DTHD1: variants seen among roughly 807,000 people sequenced by gnomAD.
The protein encoded by DTHD1 is death domain containing 1, also known as death domain-containing protein 1.
Under a neutral mutation model 74.8 loss-of-function variants are expected in DTHD1, and 59 were observed. The ratio of observed to expected loss-of-function variants is 0.79; its 90% CI spans 0.64 to 0.98. DTHD1 has a LOEUF of 0.98. Among genes scored for constraint, DTHD1 ranks in the 50% least tolerant of loss-of-function variants. The pLI is 0.00. For missense variants in DTHD1, 1,051 were observed against 1,065.4 expected, an observed-to-expected ratio of 0.99 and a Z score of 0.19; for synonymous variants, 365 against 371.1, an observed-to-expected ratio of 0.98 and a Z score of 0.19.
At chr4:36,287,741 T>C (rs1369721816) in intron 2 of DTHD1, among the ~76,000 whole-genome samples, 1 of 152,222 alleles carries the variant, frequency 6.6e-6, no homozygotes, top group Non-Finnish European at 1.5e-5. Flanking sequence ...ATTAGTGATG[T>C]TGAGCATTTT....
chr4:36,315,014 C>G (rs1396288955), intron 7 of DTHD1, among the ~76,000 whole-genome samples: 1 of 152,172 alleles, frequency 6.6e-6, no homozygotes, highest in East Asian at 1.9e-4. Flanking sequence ...CAAGTATTAA[C>G]AGATAAATAT....
rs996179163 is a variant in DTHD1 at position 36,346,243 on chromosome 4, G to GCA, written c.*2431_*2432dup. Among the ~76,000 whole-genome samples the GCA allele has an allele frequency of 2.0e-5, 3 of 150,754 alleles. No homozygotes were observed. The highest frequency in any genetic ancestry group is 4.4e-5 in the Non-Finnish European group (3 of 67,562). On this transcript the variant is annotated 3_prime_UTR_variant, in exon 10 of 10. Transcript: ENST00000639862. ...TAATATGCCTCCCCCACAGACACAT[G>GCA]CACACACACACACGACATCTCACTT...
chr4:36,308,240 T>C lies in DTHD1; in HGVS notation c.1842T>C (p.Asn614=). The change falls in exon 7 of 10, where the codon AAT becomes AAC. Residue 614 remains asparagine (N), a synonymous_variant. Transcript: ENST00000639862. ...TTCACCTCTCTTCCACCATGGACAA[T>C]AGTCATTTGGTTACTTTTGTGAAAT... is the stretch of plus-strand genomic sequence containing the variant. ...IVLHLSSTMD[N]SHLVTFVKSL... The C allele has an allele frequency of 6.4e-7, 1 of 1,552,360 alleles. No individual in the cohort carries two copies. The highest frequency in any genetic ancestry group is 2.4e-5 in the East Asian group (1 of 40,926).
At chr4:36,328,925 A>C (rs942326276) in intron 8 of DTHD1, among the ~76,000 whole-genome samples, 2 of 152,168 alleles carry the variant, frequency 1.3e-5, no homozygotes, top group African/African-American at 2.4e-5. Flanking sequence ...TGAATTACTG[A>C]TGTAGGCCCT....
At chr4:36,305,115 A>T (rs1404992140) in intron 5 of DTHD1, among the ~76,000 whole-genome samples, 1 of 152,204 alleles carries the variant, frequency 6.6e-6, no homozygotes, top group Non-Finnish European at 1.5e-5. Context: ...AAGAAAGCAA[A>T]TTGGCTGTGT....
Position 36,308,502 on chromosome 4 carries a change from A to G in DTHD1, c.2095+9A>G. On this transcript the variant is annotated intron_variant, in intron 7 of 9. Coordinates refer to ENST00000639862, the MANE Select transcript of DTHD1 (RefSeq NM_001170700.3). ...AAACATATTTGCTTCAAGTAAGTATAAAGAAATCTTTTTATATATTTTATT... is the reference window on the plus strand; with the variant it reads ...AAACATATTTGCTTCAAGTAAGTATGAAGAAATCTTTTTATATATTTTATT... The G allele has an allele frequency of 8.5e-6, 13 of 1,536,276 alleles. No homozygotes were observed. Among genetic ancestry groups the G allele is most frequent in the Non-Finnish European group, 1.1e-5 (13 of 1,139,728 alleles).
intron 8 of DTHD1, 74 bp from the exon 9 acceptor site, chr4:36,339,038 G>C: frequency 8.3e-7 from 1 of 1,211,372 alleles, no homozygotes; most frequent in South Asian, 1.4e-5. Flanking sequence ...ATGATGTTCA[G>C]ATGAATTTTC....
chr4:36,301,449 C>G (rs548986950), intron 5 of DTHD1, among the ~76,000 whole-genome samples: 103 of 151,704 alleles, frequency 6.8e-4, no homozygotes, highest in African/African-American at 2.4e-3. Context: ...ATTTCTGCTG[C>G]TGGAAAAAAA....
In DTHD1 at chr4:36,307,540, G is replaced by A. The variant is rs1757131909; in HGVS notation, c.1806-664G>A. Among the ~76,000 whole-genome samples, 5 of 152,280 alleles carry A rather than the reference G, an allele frequency of 3.3e-5. No homozygotes were observed. The South Asian group carries it at 1.0e-3, about 32-fold the overall frequency. The stretch of plus-strand genomic sequence containing the variant: ...ATAAGGTCACATTCTGAGGTACTAG[G>A]GGATAGTACTTCAACATATGAATGT... On this transcript the variant is annotated intron_variant, in intron 6 of 9. Transcript: ENST00000639862.
chr4:36,318,121 GGC>G (rs1757835191), intron 8 of DTHD1, among the ~76,000 whole-genome samples: 1 of 152,140 alleles, frequency 6.6e-6, no homozygotes, highest in Admixed American at 6.5e-5. Context: ...GGGAAACTGA[GGC>G]ACAGAAATTT....
chr4:36,292,844 T>C (rs1382464182), intron 3 of DTHD1, among the ~76,000 whole-genome samples: 1 of 152,230 alleles, frequency 6.6e-6, no homozygotes, highest in Non-Finnish European at 1.5e-5. Flanking sequence ...TTGGTGATTA[T>C]AGGAGAAGAT....
intron 6 of DTHD1, among the ~76,000 whole-genome samples, chr4:36,307,852 G>T (rs1244822905): frequency 6.6e-6 from 1 of 152,086 alleles, no homozygotes; most frequent in African/African-American, 2.4e-5. Context: ...AATTTATTTT[G>T]ATTTCAGCTG....
chr4:36,297,791 G>C (rs923290063), intron 5 of DTHD1, among the ~76,000 whole-genome samples: 9 of 152,126 alleles, frequency 5.9e-5, no homozygotes. Flanking sequence ...AGGCTGATAG[G>C]GGGAGGAGCA....
chr4:36,304,144 T>C (rs1003553296), intron 5 of DTHD1, among the ~76,000 whole-genome samples: 14 of 152,186 alleles, frequency 9.2e-5, no homozygotes, highest in African/African-American at 3.4e-4. Flanking sequence ...CCCACTACCC[T>C]TGGGAGCCTG....
chr4:36,314,340 G>A (rs76232390), intron 7 of DTHD1, among the ~76,000 whole-genome samples: 609 of 152,112 alleles, frequency 4.0e-3, no homozygotes, highest in African/African-American at 0.013. Flanking sequence ...ACTGCATGCT[G>A]GCTTACAATA....
intron 7 of DTHD1, among the ~76,000 whole-genome samples, chr4:36,312,236 C>T (rs1757449873): frequency 1.3e-5 from 2 of 151,548 alleles, no homozygotes; most frequent in Non-Finnish European, 1.5e-5. Flanking sequence ...TCATCCATAA[C>T]ATCTAGTAAT....
intron 9 of DTHD1, 99 bp from the exon 10 acceptor site, chr4:36,343,403 A>G: frequency 8.4e-7 from 1 of 1,186,516 alleles, no homozygotes; most frequent in Non-Finnish European, 1.2e-6. Flanking sequence ...GGCCAAACAA[A>G]AGAGCAGGGA....
At position 36,284,522 on chromosome 4, in the gene DTHD1, A is replaced by G; in HGVS notation, c.818A>G (p.Lys273Arg). 6.5e-7 allele frequency: 1 copy of G among 1,535,714 alleles called. No homozygotes were observed. The highest frequency in any genetic ancestry group is 8.7e-7 in the Non-Finnish European group (1 of 1,146,212). Residue 273 changes from lysine (K) to arginine (R), a missense_variant, in exon 2 of 10, where the codon AAA becomes AGA. Physicochemically the swap from Lys to Arg is conservative, Grantham distance 26. Coordinates refer to ENST00000639862, the MANE Select transcript of DTHD1 (RefSeq NM_001170700.3). ...TCAATAATATGTGATATCTCCAAGA[A>G]ATATATAAATAGTACTCTTCCCAAT... ...TSSIICDISKKYINSTLPNDS... is the reference protein window; with the variant it reads ...TSSIICDISKRYINSTLPNDS...
At position 36,295,162 on chromosome 4, in the gene DTHD1, A is replaced by C. The variant is rs1756326701; in HGVS notation, c.1643+123A>C. ...ATTAAAATATTATGAAATATCTTTAATCTAGAAAGAAGATATTGTGGATCC... is the reference window on the plus strand; with the variant it reads ...ATTAAAATATTATGAAATATCTTTACTCTAGAAAGAAGATATTGTGGATCC... On this transcript the variant is annotated intron_variant, in intron 5 of 9. Coordinates refer to ENST00000639862, the MANE Select transcript of DTHD1 (RefSeq NM_001170700.3). 5.9e-6 allele frequency: 7 copies of C among 1,186,114 alleles called. No individual in the cohort carries two copies. In the South Asian group the frequency reaches 1.3e-4, roughly 22 times the overall value. The allele number at this position is 1,186,114 out of a possible 1,614,324, so 73.5% of individuals were successfully genotyped here. A position where few individuals can be genotyped will look rare whatever the true frequency, so the allele number is the denominator to read the frequency against.
Sources: allele counts gnomAD v4.1 joint callset (sites outside exome capture counted in the v4.1 genomes callset), GRCh38; gene constraint gnomAD v4.1.1; transcripts MANE v1.5; gene names NCBI Gene and HGNC (gene_info 2026-07-23, HGNC 2026-07-21).